RFX7: variants seen among roughly 807,000 people sequenced by gnomAD.
RFX7 encodes the protein regulatory factor X7, also known as DNA-binding protein RFX7.
RFX7 carries 26 observed loss-of-function variants against 111.8 expected under a neutral mutation model. The observed-to-expected ratio is 0.23, with a 90% CI of 0.17 to 0.32. The LOEUF is 0.32. Ranked by LOEUF, RFX7 falls within the 10% of genes least tolerant of loss-of-function variation. The pLI is 1.00. For synonymous variants in RFX7, 624 were observed against 624.4 expected, an observed-to-expected ratio of 1.00 and a Z score of 0.01; for missense variants, 1,573 against 1,772.9, an observed-to-expected ratio of 0.89 and a Z score of 2.02.
At position 56,098,294 on chromosome 15, in the gene RFX7, T is replaced by C. The variant is rs147336217; in HGVS notation, c.894A>G (p.Pro298=). ...NSFQPQVKTL[P]SPIDAKQQLQ... Reference sequence around the variant, plus strand: ...ACTGCTGTTTAGCATCAATTGGAGATGGCAAAGTCTTCACCTGAGGCTGAA... The same window carrying C: ...ACTGCTGTTTAGCATCAATTGGAGACGGCAAAGTCTTCACCTGAGGCTGAA... Residue 298 remains proline (P), a synonymous_variant, in exon 9 of 10, where the codon CCA becomes CCG. Coordinates refer to ENST00000559447, the MANE Select transcript of RFX7 (RefSeq NM_022841.7). 3.7e-3 allele frequency: 5,909 copies of C among 1,613,868 alleles called. 17 individuals are homozygous for C. Among genetic ancestry groups the C allele is most frequent in the Non-Finnish European group, 4.7e-3 (5,544 of 1,179,800 alleles).
At position 56,091,801 on chromosome 15, in the gene RFX7, T is replaced by C. The variant is rs1477428292; in HGVS notation, c.*1544A>G. 1 of 152,572 alleles carries C rather than the reference T, an allele frequency of 6.6e-6. No homozygotes were observed. The highest frequency in any genetic ancestry group is 1.5e-5 in the Non-Finnish European group (1 of 67,968). 9.5% of individuals were successfully genotyped at this position (152,572 alleles called of 1,614,324 possible). A position where few individuals can be genotyped will look rare whatever the true frequency, so the allele number is the denominator to read the frequency against. On this transcript the variant is annotated 3_prime_UTR_variant, in exon 10 of 10. Coordinates refer to ENST00000559447, the MANE Select transcript of RFX7 (RefSeq NM_022841.7). ...CTCTAGCACCATTTATTTATCAAAA[T>C]ATGTTAATACCCTACCTTGCAAATT...
In RFX7 at chr15:56,092,496, TG is replaced by T. The variant is rs2041608870; in HGVS notation, c.*848del. On this transcript the variant is annotated 3_prime_UTR_variant, in exon 10 of 10. Coordinates refer to ENST00000559447, the MANE Select transcript of RFX7 (RefSeq NM_022841.7). ...TGTGATGAAACTAAGAGAATGCTTT[TG>T]TTTTCCTTCTCATTCCCCTAACTTA... 1 of 152,204 alleles carries T rather than the reference TG, an allele frequency of 6.6e-6. No individual in the cohort carries two copies. The highest frequency in any genetic ancestry group is 1.5e-5 in the Non-Finnish European group (1 of 68,018). 9.4% of individuals were successfully genotyped at this position (152,204 alleles called of 1,614,324 possible). A position where few individuals can be genotyped will look rare whatever the true frequency, so the allele number is the denominator to read the frequency against.
At chr15:56,202,018 G>A (rs1284506829) in intron 2 of RFX7, among the ~76,000 whole-genome samples, 2 of 152,106 alleles carry the variant, frequency 1.3e-5, no homozygotes, top group South Asian at 2.1e-4. Flanking sequence ...GCGACAGAGC[G>A]AGACTCTGTC....
At chr15:56,204,988 T>C (rs2043235814) in intron 2 of RFX7, among the ~76,000 whole-genome samples, 1 of 152,200 alleles carries the variant, frequency 6.6e-6, no homozygotes, top group African/African-American at 2.4e-5. Context: ...CCTGAATGCC[T>C]ATAAAGGCAT....
At chr15:56,221,593 T>C (rs2043427213) in intron 2 of RFX7, among the ~76,000 whole-genome samples, 1 of 152,188 alleles carries the variant, frequency 6.6e-6, no homozygotes. Flanking sequence ...GGTCTTGTTT[T>C]TTATTCATTC....
chr15:56,168,534 C>A (rs2042808714), intron 3 of RFX7, among the ~76,000 whole-genome samples: 1 of 152,146 alleles, frequency 6.6e-6, no homozygotes, highest in African/African-American at 2.4e-5. Context: ...GGGATATACA[C>A]AGAGTACAAG....
At chr15:56,141,656 A>AATACATATATATATAT (rs1555421060) in intron 5 of RFX7, among the ~76,000 whole-genome samples, 2 of 83,210 alleles carry the variant, frequency 2.4e-5, no homozygotes, top group Admixed American at 1.3e-4. Context: ...GCTTACTCTA[A>AATACATATATATATAT]ATATATATAT....
chr15:56,150,986 G>T (rs1274403120), intron 3 of RFX7, among the ~76,000 whole-genome samples: 1 of 151,332 alleles, frequency 6.6e-6, no homozygotes, highest in Non-Finnish European at 1.5e-5. Flanking sequence ...TCAACTTAAT[G>T]AAATAAAGCG....
intron 2 of RFX7, among the ~76,000 whole-genome samples, chr15:56,223,602 A>G (rs1438367025): frequency 6.6e-6 from 1 of 152,204 alleles, no homozygotes; most frequent in African/African-American, 2.4e-5. Flanking sequence ...GTATCAATTA[A>G]TTTTTATATA....
chr15:56,132,891 A>G (rs2042237917), intron 5 of RFX7, among the ~76,000 whole-genome samples: 1 of 152,154 alleles, frequency 6.6e-6, no homozygotes, highest in Non-Finnish European at 1.5e-5. Flanking sequence ...ACAGCCAAGG[A>G]TGTTCACTGC....
chr15:56,203,268 T>C (rs929405811), intron 2 of RFX7, among the ~76,000 whole-genome samples: 5 of 152,210 alleles, frequency 3.3e-5, no homozygotes, highest in Non-Finnish European at 7.3e-5. Context: ...TTGCCCGTAT[T>C]CTAGAAGTAC....
intron 5 of RFX7, among the ~76,000 whole-genome samples, chr15:56,120,528 G>T (rs2042063247): frequency 6.6e-6 from 1 of 152,056 alleles, no homozygotes; most frequent in Non-Finnish European, 1.5e-5. Flanking sequence ...AGTACTATTT[G>T]AATAAAAGTG....
chr15:56,179,692 G>C (rs535708415), intron 2 of RFX7, among the ~76,000 whole-genome samples: 1 of 150,748 alleles, frequency 6.6e-6, no homozygotes, highest in African/African-American at 2.4e-5. Flanking sequence ...AAGTCATAAC[G>C]ATGTACTACA....
chr15:56,119,984 C>T (rs1595940603), intron 5 of RFX7, among the ~76,000 whole-genome samples: 1 of 152,138 alleles, frequency 6.6e-6, no homozygotes, highest in East Asian at 1.9e-4. Context: ...TCTCTGGCTA[C>T]TCTGGCTATC....
intron 2 of RFX7, among the ~76,000 whole-genome samples, chr15:56,219,693 T>C (rs2043403730): frequency 6.6e-6 from 1 of 152,204 alleles, no homozygotes; most frequent in African/African-American, 2.4e-5. Context: ...AAGGACATAA[T>C]CTCATTCTTT....
At chr15:56,229,597 A>T (rs574049032) in intron 2 of RFX7, among the ~76,000 whole-genome samples, 1 of 152,282 alleles carries the variant, frequency 6.6e-6, no homozygotes, top group Admixed American at 6.5e-5. Flanking sequence ...TTTCAGTTAG[A>T]GAATGAGAAT....
Position 56,109,338 on chromosome 15 carries a change from T to C in RFX7, c.402-5668A>G, listed in dbSNP as rs1286806096. Among the ~76,000 whole-genome samples the C allele has an allele frequency of 2.6e-5, 4 of 152,148 alleles. 1 individual carries two copies. The highest frequency in any genetic ancestry group is 5.9e-5 in the Non-Finnish European group (4 of 68,020). ...GCCGGGATTGCAGACGGAGTCTCCT[T>C]CACTCAGTGCTCATTGGTGCCCAGG... On this transcript the variant is annotated intron_variant, in intron 5 of 9. Coordinates refer to ENST00000559447, the MANE Select transcript of RFX7 (RefSeq NM_022841.7).
At chr15:56,109,739 C>T (rs1349424508) in intron 5 of RFX7, among the ~76,000 whole-genome samples, 2 of 151,328 alleles carry the variant, frequency 1.3e-5, no homozygotes, top group Non-Finnish European at 3.0e-5. Context: ...CCGGCCGCCC[C>T]GTCTGAGAAG....
intron 2 of RFX7, among the ~76,000 whole-genome samples, chr15:56,212,753 G>T (rs149092484): frequency 6.6e-6 from 1 of 152,002 alleles, no homozygotes; most frequent in Non-Finnish European, 1.5e-5. Context: ...ATCCAACAAA[G>T]AAATATGTTA....
Sources: allele counts gnomAD v4.1 joint callset (sites outside exome capture counted in the v4.1 genomes callset), GRCh38; gene constraint gnomAD v4.1.1; transcripts MANE v1.5; gene names NCBI Gene and HGNC (gene_info 2026-07-23, HGNC 2026-07-21).